Variants in STARD9 observed in about 807,000 individuals in gnomAD.
The protein encoded by STARD9 is StAR related lipid transfer domain containing 9.
STARD9 carries 346 observed loss-of-function variants against 399.8 expected under a neutral mutation model. The ratio of observed to expected loss-of-function variants is 0.87; its 90% CI spans 0.79 to 0.95. The LOEUF is 0.95. Ranked by LOEUF, STARD9 falls within the 40% of genes least tolerant of loss-of-function variation. STARD9 has a pLI of 0.00. For missense variants in STARD9, 5,832 were observed against 5,667.5 expected (o/e 1.03, Z -0.93); for synonymous variants, 2,203 against 2,143.5 (o/e 1.03, Z -0.77).
At chr15:42,596,005 A>T (rs1307451826) in intron 3 of STARD9, among the ~76,000 whole-genome samples, 1 of 152,262 alleles carries the variant, frequency 6.6e-6, no homozygotes, top group Non-Finnish European at 1.5e-5. Flanking sequence ...AAAGACAGAG[A>T]TTCTTGACAA....
intron 13 of STARD9, among the ~76,000 whole-genome samples, chr15:42,664,202 A>C (rs971551182): frequency 5.3e-5 from 8 of 152,074 alleles, no homozygotes; most frequent in Middle Eastern, 3.4e-3. Flanking sequence ...AAGGTCATTT[A>C]TTTTTTATTT....
intron 26 of STARD9, among the ~76,000 whole-genome samples, chr15:42,715,861 G>C (rs2061339797): frequency 6.6e-6 from 1 of 152,150 alleles, no homozygotes; most frequent in Non-Finnish European, 1.5e-5. Context: ...AAGATCCAGT[G>C]AAGAGGAAGA....
chr15:42,581,350 G>C, intron 1 of STARD9: 1 of 1,428,830 alleles, frequency 7.0e-7, no homozygotes, highest in South Asian at 1.2e-5. Context: ...GTTTCTCCTG[G>C]TGTGGTGGAG....
chr15:42,604,469 C>A (rs1566867421), intron 3 of STARD9, among the ~76,000 whole-genome samples: 2 of 151,824 alleles, frequency 1.3e-5, no homozygotes, highest in Admixed American at 1.3e-4. Context: ...TAGTTCTTGA[C>A]AGAGACAGAT....
rs553085958 is a variant in STARD9, at chr15:42,692,106, C to T, written c.10528C>T (p.Arg3510Trp). The stretch of plus-strand genomic sequence containing the variant: ...GGGGCTGACACTATCAAATGTGGCC[C>T]GGTGCTCCAGCATGGACAATGGCCT... Reference protein sequence around the residue: ...PQGLTLSNVARCSSMDNGLED... With the variant: ...PQGLTLSNVAWCSSMDNGLED... The change falls in exon 23 of 33, where the codon CGG becomes TGG. Residue 3510 changes from arginine (R) to tryptophan (W), a missense_variant. Coordinates refer to ENST00000290607, the MANE Select transcript of STARD9 (RefSeq NM_020759.3). The T allele has an allele frequency of 2.5e-5, 38 of 1,537,132 alleles. No homozygotes were observed. The highest frequency in any genetic ancestry group is 7.3e-5 in the East Asian group (3 of 40,916).
chr15:42,649,522 A>G (rs1035667945), intron 7 of STARD9, among the ~76,000 whole-genome samples: 1 of 150,260 alleles, frequency 6.7e-6, no homozygotes, highest in Non-Finnish European at 1.5e-5. Context: ...CAAGTTTACA[A>G]TCTTGTCTTT....
In STARD9 at chr15:42,687,340, T is replaced by C. The variant is rs1047824692; in HGVS notation, c.5762T>C (p.Leu1921Pro). ...RESEAREEEE[L>P]DQNTVLRQTI... ...TCTGAGGCACGAGAGGAAGAAGAGCTGGATCAGAATACGGTTCTGAGGCAG... is the reference window on the plus strand; with the variant it reads ...TCTGAGGCACGAGAGGAAGAAGAGCCGGATCAGAATACGGTTCTGAGGCAG... Residue 1921 changes from leucine (L) to proline (P), a missense_variant, in exon 23 of 33, where the codon CTG becomes CCG. By Grantham distance (98) the Leu-to-Pro change is moderately conservative. Around this residue, in one of 2 missense-constraint regions of STARD9, gnomAD observed 5,828 missense variants for 5,651.1 expected, o/e 1.03. Transcript: ENST00000290607. The C allele has an allele frequency of 1.3e-6, 2 of 1,536,748 alleles. No individual in the cohort carries two copies. Among genetic ancestry groups the C allele is most frequent in the South Asian group, 1.2e-5 (1 of 84,066 alleles).
rs991783886 is a variant in STARD9, at chr15:42,688,946, C to T, written c.7368C>T (p.Phe2456=). 6.5e-7 allele frequency: 1 copy of T among 1,537,280 alleles called. No individual in the cohort carries two copies. Among genetic ancestry groups the T allele is most frequent in the African/African-American group, 1.4e-5 (1 of 73,020 alleles). The stretch of plus-strand genomic sequence containing the variant: ...ACCTCAGAATCACCTTGCTGGGTTT[C>T]AGTACCAGTGAAGATTTTGCTTCTG... ...GKDLRITLLG[F]STSEDFASEA... is the part of the protein sequence containing the mutation. The change falls in exon 23 of 33, where the codon TTC becomes TTT. Residue 2456 remains phenylalanine (F), a synonymous_variant. Coordinates refer to ENST00000290607, the MANE Select transcript of STARD9 (RefSeq NM_020759.3).
chr15:42,632,559 A>G (rs376150727), intron 3 of STARD9, among the ~76,000 whole-genome samples: 2 of 151,956 alleles, frequency 1.3e-5, no homozygotes, highest in East Asian at 3.9e-4. Flanking sequence ...CTCTGGTGAC[A>G]TGTTTTAATT....
intron 28 of STARD9, 25 bp downstream of exon 28, chr15:42,717,073 C>T (rs1204497457): frequency 7.2e-6 from 11 of 1,536,756 alleles, no homozygotes; most frequent in Non-Finnish European, 7.0e-6. Context: ...CCACCCATCC[C>T]TACCATTCCT....
At chr15:42,656,868 G>T (rs964234075) in intron 9 of STARD9, among the ~76,000 whole-genome samples, 2 of 152,122 alleles carry the variant, frequency 1.3e-5, no homozygotes, top group African/African-American at 4.8e-5. Flanking sequence ...TTGTGGGAAA[G>T]GGGGGTGAGG....
Position 42,688,704 on chromosome 15 carries a change from A to G in STARD9, c.7126A>G (p.Thr2376Ala). Residue 2376 changes from threonine to alanine, a missense_variant, in exon 23 of 33, where the codon ACT (threonine) becomes GCT (alanine). Around this residue, in one of 2 missense-constraint regions of STARD9, gnomAD observed 5,828 missense variants for 5,651.1 expected, o/e 1.03. Transcript: ENST00000290607. ...MLKIHNSPLV[T>A]GVEHQDQSTE... ...GAAAATTCATAACAGTCCCTTGGTA[A>G]CTGGAGTAGAGCATCAGGACCAGAG... The G allele has an allele frequency of 6.5e-7, 1 of 1,537,770 alleles. No individual in the cohort carries two copies. The highest frequency in any genetic ancestry group is 8.7e-7 in the Non-Finnish European group (1 of 1,147,038).
intron 3 of STARD9, among the ~76,000 whole-genome samples, chr15:42,605,898 T>C (rs917889598): frequency 6.6e-6 from 1 of 152,228 alleles, no homozygotes; most frequent in African/African-American, 2.4e-5. Context: ...AGCACAAACA[T>C]GTCGTGGTCT....
At chr15:42,711,069 C>T (rs1326172215) in intron 26 of STARD9, among the ~76,000 whole-genome samples, 1 of 151,920 alleles carries the variant, frequency 6.6e-6, no homozygotes, top group African/African-American at 2.4e-5. Flanking sequence ...CCTGCAACAC[C>T]TGACCTCAAG....
At chr15:42,594,228 C>T (rs1332301900) in intron 3 of STARD9, among the ~76,000 whole-genome samples, 1 of 152,164 alleles carries the variant, frequency 6.6e-6, no homozygotes, top group African/African-American at 2.4e-5. Context: ...CAAATGATTA[C>T]AGAGCTGGAC....
chr15:42,599,229 G>C (rs2058575702), intron 3 of STARD9, among the ~76,000 whole-genome samples: 1 of 152,048 alleles, frequency 6.6e-6, no homozygotes, highest in Non-Finnish European at 1.5e-5. Flanking sequence ...GTATACTTGG[G>C]GATCTCTTTT....
chr15:42,675,433 C>T (rs2060290167), intron 18 of STARD9: 7 of 538,804 alleles, frequency 1.3e-5, no homozygotes, highest in Non-Finnish European at 2.3e-5. Flanking sequence ...TCCCTGACTA[C>T]TCCACCTGGA....
intron 7 of STARD9, among the ~76,000 whole-genome samples, chr15:42,644,048 A>T (rs975418555): frequency 1.3e-5 from 2 of 152,214 alleles, no homozygotes; most frequent in African/African-American, 2.4e-5. Flanking sequence ...CATGCTTTGG[A>T]TATATTTGGT....
chr15:42,672,537 A>G (rs998801500), intron 16 of STARD9: 1 of 152,274 alleles, frequency 6.6e-6, no homozygotes, highest in African/African-American at 2.4e-5. Flanking sequence ...TTTTCCCTTG[A>G]ACTGCCCTCT....
Sources: allele counts gnomAD v4.1 joint callset (sites outside exome capture counted in the v4.1 genomes callset), GRCh38; gene constraint gnomAD v4.1.1; regional missense constraint gnomAD v4.1.1; transcripts MANE v1.5; gene names NCBI Gene and HGNC (gene_info 2026-07-23, HGNC 2026-07-21).